Variants in TEC observed in about 807,000 individuals in gnomAD.
The protein encoded by TEC is tec protein tyrosine kinase, also known as tyrosine-protein kinase Tec.
In TEC, 72 loss-of-function variants were observed where a neutral mutation model predicts 93.0. The ratio of observed to expected loss-of-function variants is 0.77; its 90% CI spans 0.64 to 0.94. TEC has a LOEUF of 0.94. TEC is among the 40% of genes least tolerant of loss of function. The pLI is 0.00. For missense variants in TEC, 630 were observed against 757.9 expected, an observed-to-expected ratio of 0.83 and a Z score of 1.98; for synonymous variants, 249 against 247.7, an observed-to-expected ratio of 1.01 and a Z score of -0.05.
chr4:48,137,455 T>C lies in TEC; in HGVS notation c.1857A>G (p.Ile619Met), dbSNP rs1247084546. The stretch of plus-strand genomic sequence containing the variant: ...TTTCTTCACATTCAACTAGTTCATC[T>C]ATTGTGCGCAGCAGATCTTCGAAAG... ...RPSFEDLLRT[I>M]DELVECEETF... The change falls in exon 18 of 18, where the codon ATA (isoleucine) becomes ATG (methionine). Residue 619 changes from isoleucine to methionine, a missense_variant. Coordinates refer to ENST00000381501, the MANE Select transcript of TEC (RefSeq NM_003215.3). 3.3e-5 allele frequency: 54 copies of C among 1,614,054 alleles called. No individual in the cohort carries two copies. Among genetic ancestry groups the C allele is most frequent in the Non-Finnish European group, 3.8e-5 (45 of 1,180,028 alleles).
intron 1 of TEC, among the ~76,000 whole-genome samples, chr4:48,252,856 A>T (rs959120364): frequency 2.0e-5 from 3 of 152,256 alleles, no homozygotes; most frequent in Non-Finnish European, 4.4e-5. Context: ...AGTGGCCAGC[A>T]GAGTACTCAA....
chr4:48,168,525 AACTTAAG>A, intron 6 of TEC, 54 bp downstream of exon 6: 3 of 1,566,740 alleles, frequency 1.9e-6, no homozygotes, highest in Non-Finnish European at 2.6e-6. Flanking sequence ...ACACTACCAA[AACTTAAG>A]ACTTAAAGGC....
chr4:48,158,206 C>T (rs1381755916), intron 8 of TEC, among the ~76,000 whole-genome samples: 2 of 152,112 alleles, frequency 1.3e-5, no homozygotes, highest in East Asian at 1.9e-4. Context: ...AAGGGAAAAA[C>T]ACAAAGAACA....
At position 48,216,200 on chromosome 4, in the gene TEC, T is replaced by C. The variant is rs1220496802; in HGVS notation, c.138+12277A>G. The stretch of plus-strand genomic sequence containing the variant: ...TCTCTCTGCCCATCATTGCTCACAT[T>C]CTCACCCTTGGCCAAGTGGCCTTCC... On this transcript the variant is annotated intron_variant, in intron 2 of 17. Transcript: ENST00000381501. Among the ~76,000 whole-genome samples, 3 of 150,730 alleles carry C rather than the reference T, an allele frequency of 2.0e-5. No homozygotes were observed. In the East Asian group the frequency reaches 5.8e-4, roughly 29 times the overall value.
At chr4:48,234,836 G>C (rs746480257) in intron 1 of TEC, among the ~76,000 whole-genome samples, 6 of 152,092 alleles carry the variant, frequency 3.9e-5, no homozygotes, top group Non-Finnish European at 5.9e-5. Flanking sequence ...GGTAGCAGAG[G>C]AGAAGAAGGA....
intron 2 of TEC, among the ~76,000 whole-genome samples, chr4:48,203,160 T>C (rs562412714): frequency 6.6e-6 from 1 of 152,306 alleles, no homozygotes; most frequent in East Asian, 1.9e-4. Flanking sequence ...GGCCAGGAGT[T>C]TGAGACCAGC....
chr4:48,255,117 C>G (rs1724306022), intron 1 of TEC, among the ~76,000 whole-genome samples: 2 of 152,204 alleles, frequency 1.3e-5, no homozygotes, highest in Admixed American at 6.5e-5. Context: ...AACACATTGG[C>G]TCACATAATC....
At chr4:48,257,197 C>T (rs1724366697) in intron 1 of TEC, among the ~76,000 whole-genome samples, 1 of 152,098 alleles carries the variant, frequency 6.6e-6, no homozygotes, top group African/African-American at 2.4e-5. Context: ...ATATGGCTTA[C>T]ATGAAATATA....
intron 2 of TEC, among the ~76,000 whole-genome samples, chr4:48,205,776 G>A (rs1011141396): frequency 1.3e-5 from 2 of 152,212 alleles, no homozygotes; most frequent in Non-Finnish European, 2.9e-5. Context: ...GCTGCTTTGG[G>A]AAACAGTCTA....
intron 2 of TEC, among the ~76,000 whole-genome samples, chr4:48,224,085 G>A (rs1164421931): frequency 2.0e-5 from 3 of 152,096 alleles, no homozygotes; most frequent in Non-Finnish European, 4.4e-5. Flanking sequence ...TTGTGAGTAT[G>A]ACTCAATGCT....
intron 1 of TEC, among the ~76,000 whole-genome samples, chr4:48,245,293 A>AG (rs1209603018): frequency 3.2e-5 from 2 of 63,010 alleles, no homozygotes; most frequent in Admixed American, 3.7e-4. Context: ...GTCCTTCTCC[A>AG]GGAAAAAAAA....
At chr4:48,194,075 C>T (rs1722195963) in intron 2 of TEC, among the ~76,000 whole-genome samples, 1 of 152,154 alleles carries the variant, frequency 6.6e-6, no homozygotes, top group Non-Finnish European at 1.5e-5. Flanking sequence ...CAACCATGAC[C>T]AATGGATTGA....
chr4:48,231,009 G>T (rs1474031803), intron 1 of TEC, among the ~76,000 whole-genome samples: 1 of 152,194 alleles, frequency 6.6e-6, no homozygotes, highest in East Asian at 1.9e-4. Flanking sequence ...TCACTTAGCT[G>T]TTAAGGAATG....
intron 2 of TEC, among the ~76,000 whole-genome samples, chr4:48,191,678 T>C (rs1174073274): frequency 1.3e-5 from 2 of 152,162 alleles, no homozygotes; most frequent in South Asian, 4.1e-4. Context: ...CATGGAAATG[T>C]AGGCAATGCA....
intron 2 of TEC, among the ~76,000 whole-genome samples, chr4:48,219,790 G>A (rs1283028620): frequency 2.6e-5 from 4 of 151,978 alleles, no homozygotes; most frequent in Admixed American, 2.6e-4. Flanking sequence ...CCAGCCATTC[G>A]GGGCCACTAC....
chr4:48,145,117 C>T lies in TEC; in HGVS notation c.1432G>A (p.Glu478Lys), dbSNP rs754263100. ...SMCQDVCEGM[E>K]YLERNSFIHR... Reference sequence around the variant, plus strand: ...ATGAAGCTGTTTCTCTCCAGATACTCCATCCCTTCACACACATCCTGACAC... The same window carrying T: ...ATGAAGCTGTTTCTCTCCAGATACTTCATCCCTTCACACACATCCTGACAC... The change falls in exon 14 of 18, where the codon GAG (glutamate) becomes AAG (lysine). Residue 478 changes from glutamate (E) to lysine (K), a missense_variant. Physicochemically the swap from Glu to Lys is moderately conservative, Grantham distance 56 (BLOSUM62 1). This residue lies in a region of TEC where 289 missense variants were observed against 390.0 expected (regional missense o/e 0.74). Transcript: ENST00000381501. The T allele has an allele frequency of 1.9e-6, 3 of 1,613,858 alleles. No individual in the cohort carries two copies. The highest frequency in any genetic ancestry group is 2.2e-5 in the East Asian group (1 of 44,890).
At chr4:48,251,453 A>G (rs1405360345) in intron 1 of TEC, among the ~76,000 whole-genome samples, 1 of 152,138 alleles carries the variant, frequency 6.6e-6, no homozygotes, top group Admixed American at 6.5e-5. Flanking sequence ...TATTCTCACT[A>G]TGTTATCCTG....
Position 48,220,467 on chromosome 4 carries a change from A to C in TEC, c.138+8010T>G, listed in dbSNP as rs1186099556. ...TGAGTTCTCACTCTGAGTTCATGTG[A>C]GATCTGGTTGTTTTAAAAGAGTATG... On this transcript the variant is annotated intron_variant, in intron 2 of 17. Coordinates refer to ENST00000381501, the MANE Select transcript of TEC (RefSeq NM_003215.3). Among the ~76,000 whole-genome samples, 3 of 151,846 alleles carry C rather than the reference A, an allele frequency of 2.0e-5. No homozygotes were observed. In the East Asian group the frequency reaches 5.9e-4, roughly 30 times the overall value.
intron 2 of TEC, among the ~76,000 whole-genome samples, chr4:48,216,802 C>A (rs1723096070): frequency 1.3e-5 from 2 of 152,108 alleles, no homozygotes; most frequent in Admixed American, 1.3e-4. Context: ...TTAAGTAATA[C>A]CATTTCTGAA....
Sources: gnomAD v4.1 joint callset for allele counts (sites outside exome capture counted in the v4.1 genomes callset) on GRCh38, gnomAD v4.1.1 for gene constraint, gnomAD v4.1.1 regional missense constraint, MANE v1.5 for transcripts, NCBI Gene and HGNC (gene_info 2026-07-23, HGNC 2026-07-21) for gene names.